RBBP6: variants seen among roughly 807,000 people sequenced by gnomAD.
RBBP6 encodes the protein E3 ubiquitin-protein ligase RBBP6.
RBBP6 carries 25 observed loss-of-function variants against 167.7 expected under a neutral mutation model. The observed-to-expected ratio is 0.15, with a 90% CI of 0.11 to 0.21. The LOEUF is 0.21. RBBP6 is among the 10% of genes least tolerant of loss of function. The pLI, the probability that RBBP6 is intolerant of heterozygous loss-of-function variation, is 1.00. For missense variants in RBBP6, 1,868 were observed against 2,134.2 expected, an observed-to-expected ratio of 0.88 and a Z score of 2.46; for synonymous variants, 789 against 735.8, an observed-to-expected ratio of 1.07 and a Z score of -1.17.
chr16:24,547,453 A>T (rs759855204), intron 2 of RBBP6, among the ~76,000 whole-genome samples: 1 of 152,012 alleles, frequency 6.6e-6, no homozygotes, highest in Non-Finnish European at 1.5e-5. Flanking sequence ...ATATATATAT[A>T]TTGTTTTGTT....
chr16:24,555,677 A>G lies in RBBP6; in HGVS notation c.411A>G (p.Gln137=), dbSNP rs752379860. Residue 137 remains glutamine (Q), a synonymous_variant, in exon 5 of 18, where the codon CAA becomes CAG. Transcript: ENST00000319715. ...EEDKIKAMMS[Q]SGHEYDPINY... ...ATAAAATTAAAGCAATGATGTCGCA[A>G]TCTGGCCATGAATACGACCCAATCA... The G allele has an allele frequency of 2.9e-5, 47 of 1,613,656 alleles. No individual in the cohort carries two copies. The Admixed American group carries it at 3.5e-4, about 12-fold the overall frequency.
At chr16:24,540,840 T>A in intron 1 of RBBP6, 48 bp downstream of exon 1, 1 of 1,580,562 alleles carries the variant, frequency 6.3e-7, no homozygotes, top group Non-Finnish European at 8.6e-7. Context: ...AGAGAGATAC[T>A]AGCTAGAAGG....
chr16:24,550,339 T>C lies in RBBP6; in HGVS notation c.303+1358T>C, dbSNP rs191410922. 5.3e-5 allele frequency among the ~76,000 whole-genome samples: 8 copies of C among 150,872 alleles called. 1 individual carries two copies. In the East Asian group the frequency reaches 1.5e-3, roughly 29 times the overall value. On this transcript the variant is annotated intron_variant, in intron 3 of 17. Coordinates refer to ENST00000319715, the MANE Select transcript of RBBP6 (RefSeq NM_006910.5). ...GTGTTTGGGGTTTTTTTTTCCTCTT[T>C]TTGGATATGGGGTGTTTTTTTTTGT...
rs567406869 is a variant in RBBP6 at position 24,565,457 on chromosome 16, G to A, written c.1589+592G>A. 2.6e-5 allele frequency among the ~76,000 whole-genome samples: 4 copies of A among 152,294 alleles called. No individual in the cohort carries two copies. The East Asian group carries it at 5.8e-4, about 22-fold the overall frequency. On this transcript the variant is annotated intron_variant, in intron 14 of 17. Transcript: ENST00000319715. The stretch of plus-strand genomic sequence containing the variant: ...CCATCCTTGGCCTGTTAGGAACTGG[G>A]CAACACAGCAGGAGGTGAACAGCAG...
chr16:24,551,166 G>T (rs1337979202), intron 3 of RBBP6, among the ~76,000 whole-genome samples: 1 of 151,748 alleles, frequency 6.6e-6, no homozygotes, highest in African/African-American at 2.4e-5. Context: ...ACTTCAAAAA[G>T]CTAATATAAT....
chr16:24,554,430 T>G (rs1255658492), intron 4 of RBBP6: 1 of 151,884 alleles, frequency 6.6e-6, no homozygotes, highest in East Asian at 1.9e-4. Flanking sequence ...AAAAGATGGG[T>G]TTTCCATTAG....
At chr16:24,541,950 C>T (rs1013992172) in intron 1 of RBBP6, among the ~76,000 whole-genome samples, 1 of 152,154 alleles carries the variant, frequency 6.6e-6, no homozygotes, top group Admixed American at 6.5e-5. Flanking sequence ...ATGTAGAAGA[C>T]CAGTTTTCCA....
chr16:24,572,391 T>G lies in RBBP6; in HGVS notation c.5325T>G (p.Asp1775Glu), dbSNP rs1166224710. 5 of 1,545,116 alleles carry G rather than the reference T, an allele frequency of 3.2e-6. No individual in the cohort carries two copies. Among genetic ancestry groups the G allele is most frequent in the Admixed American group, 2.0e-5 (1 of 49,328 alleles). Residue 1775 changes from aspartate to glutamate, a missense_variant, in exon 18 of 18, where the codon GAT (aspartate) becomes GAG (glutamate). By Grantham distance (45) the Asp-to-Glu change is conservative (BLOSUM62 2). Transcript: ENST00000319715. ...AAAAGAAGTCAAAGAAGAACAAAGA[T>G]AAAGAGAAGGAGAAGGAGAAAGATG... Reference protein sequence around the residue: ...HKKKKSKKNKDKEKEKEKDDQ... With the variant: ...HKKKKSKKNKEKEKEKEKDDQ...
At chr16:24,545,985 G>C (rs995757276) in intron 1 of RBBP6, among the ~76,000 whole-genome samples, 178 bp from the exon 2 acceptor site, 1 of 152,218 alleles carries the variant, frequency 6.6e-6, no homozygotes, top group African/African-American at 2.4e-5. Context: ...CCTTTGAAAA[G>C]AAGCCCTCTT....
At chr16:24,556,957 G>A (rs1290955633) in intron 7 of RBBP6, among the ~76,000 whole-genome samples, 11 of 146,490 alleles carry the variant, frequency 7.5e-5, no homozygotes, top group Non-Finnish European at 1.5e-4. Flanking sequence ...TAAACCACTA[G>A]TTCAGATCAA....
intron 1 of RBBP6, among the ~76,000 whole-genome samples, chr16:24,542,811 G>T (rs562068847): frequency 2.0e-5 from 3 of 152,240 alleles, no homozygotes; most frequent in Non-Finnish European, 2.9e-5. Context: ...TAAGAGTTTT[G>T]TGACTTTGTG....
At position 24,572,375 on chromosome 16, in the gene RBBP6, CAAA is replaced by C. The variant is rs752267574; in HGVS notation, c.5310_5312del (p.Lys1772del). The stretch of plus-strand genomic sequence containing the variant: ...AAACACAAACACAAGAAAAAGAAGT[CAAA>C]GAAGAACAAAGATAAAGAGAAGGAG... On this transcript the variant is annotated inframe_deletion, in exon 18 of 18. Coordinates refer to ENST00000319715, the MANE Select transcript of RBBP6 (RefSeq NM_006910.5). The C allele has an allele frequency of 1.3e-5, 20 of 1,548,446 alleles. No individual in the cohort carries two copies. The South Asian group carries it at 2.0e-4, about 16-fold the overall frequency.
chr16:24,549,025 T>C, intron 3 of RBBP6, 44 bp downstream of exon 3: 2 of 1,599,244 alleles, frequency 1.3e-6, no homozygotes, highest in Non-Finnish European at 1.7e-6. Flanking sequence ...ACATTGCTTT[T>C]ACCTTTATAA....
intron 7 of RBBP6, 82 bp from the exon 8 acceptor site, chr16:24,559,423 T>A: frequency 8.5e-7 from 1 of 1,171,322 alleles, no homozygotes; most frequent in Non-Finnish European, 1.2e-6. Flanking sequence ...AATTATGTGT[T>A]CCCATTATGT....
chr16:24,562,091 G>C lies in RBBP6; in HGVS notation c.1219G>C (p.Ala407Pro), dbSNP rs371196203. ...GTCTGGAAATCCGTCTTCTGCTCCA[G>C]CTCCTGTACCTGATATAACTGCAAC... ...PVSGNPSSAP[A>P]PVPDITATVS... is the part of the protein sequence containing the mutation. Residue 407 changes from alanine (A) to proline (P), a missense_variant, in exon 10 of 18, where the codon GCT (alanine) becomes CCT (proline). Physicochemically the swap from Ala to Pro is conservative, Grantham distance 27. Transcript: ENST00000319715. The C allele has an allele frequency of 1.2e-6, 2 of 1,613,454 alleles. No homozygotes were observed. The highest frequency in any genetic ancestry group is 3.3e-5 in the Admixed American group (2 of 60,006).
chr16:24,566,092 C>A (rs567295740), intron 14 of RBBP6, among the ~76,000 whole-genome samples: 2 of 152,236 alleles, frequency 1.3e-5, no homozygotes, highest in East Asian at 3.9e-4. Context: ...GGGATATCTT[C>A]TAGTGCTTCA....
At chr16:24,542,459 T>C (rs1416324252) in intron 1 of RBBP6, among the ~76,000 whole-genome samples, 1 of 150,958 alleles carries the variant, frequency 6.6e-6, no homozygotes. Context: ...AATGCAGCTT[T>C]TTTTTTTTTT....
In RBBP6 at chr16:24,570,228, C is replaced by T; in HGVS notation, c.3538C>T (p.Pro1180Ser). Residue 1180 changes from proline to serine, a missense_variant, in exon 17 of 18, where the codon CCA becomes TCA. Physicochemically the swap from Pro to Ser is moderately conservative, Grantham distance 74. This residue lies in a region of RBBP6 where 673 missense variants were observed against 691.5 expected (regional missense o/e 0.97). Transcript: ENST00000319715. Reference protein sequence around the residue: ...LEVTEIVKPSPKRKMEPDTEK... With the variant: ...LEVTEIVKPSSKRKMEPDTEK... ...AGTGACTGAAATAGTGAAACCATCA[C>T]CAAAGCGCAAAATGGAACCTGATAC... The T allele has an allele frequency of 6.2e-7, 1 of 1,612,934 alleles. No individual in the cohort carries two copies. Among genetic ancestry groups the T allele is most frequent in the Non-Finnish European group, 8.5e-7 (1 of 1,179,822 alleles).
chr16:24,557,857 A>G (rs760930628), intron 7 of RBBP6, among the ~76,000 whole-genome samples: 20 of 152,236 alleles, frequency 1.3e-4, no homozygotes, highest in Non-Finnish European at 1.5e-4. Context: ...TATTGAAAAG[A>G]TCTTGTGTTT....
Sources: gnomAD v4.1 joint callset for allele counts (sites outside exome capture counted in the v4.1 genomes callset) on GRCh38, gnomAD v4.1.1 for gene constraint, gnomAD v4.1.1 regional missense constraint, MANE v1.5 for transcripts, NCBI Gene and HGNC (gene_info 2026-07-23, HGNC 2026-07-21) for gene names.